PPARGC1A: variants seen among roughly 807,000 people sequenced by gnomAD.
PPARGC1A encodes the protein PPARG coactivator 1 alpha, also known as peroxisome proliferator-activated receptor gamma coactivator 1-alpha.
A neutral mutation model predicts 88.7 loss-of-function variants in PPARGC1A; 25 were observed. The observed-to-expected ratio is 0.28, with a 90% CI of 0.21 to 0.39. The LOEUF (loss-of-function observed/expected upper bound fraction) is 0.39, where lower values mean the gene tolerates loss of function less well. Ranked by LOEUF, PPARGC1A falls within the 10% of genes least tolerant of loss-of-function variation. The pLI, the probability that PPARGC1A is intolerant of heterozygous loss-of-function variation, is 1.00. For missense variants in PPARGC1A, 880 were observed against 968.7 expected (o/e 0.91, Z 1.22); for synonymous variants, 363 against 355.6 (o/e 1.02, Z -0.24).
chr4:23,824,865 C>G (rs985664726), intron 5 of PPARGC1A, among the ~76,000 whole-genome samples: 2 of 152,054 alleles, frequency 1.3e-5, no homozygotes, highest in Non-Finnish European at 2.9e-5. Flanking sequence ...AGCAGAGCAA[C>G]TATAAGGCGA....
the PPARGC1A span, among the ~76,000 whole-genome samples, chr4:24,291,832 T>C: frequency 6.6e-6 from 1 of 151,702 alleles, no homozygotes; most frequent in Non-Finnish European, 1.5e-5. Flanking sequence ...ACAAAACCAG[T>C]GAAGAGTGGA....
At chr4:24,161,911 G>A in the PPARGC1A span, among the ~76,000 whole-genome samples, 1 of 143,202 alleles carries the variant, frequency 7.0e-6, no homozygotes, top group East Asian at 2.1e-4. Context: ...GCAAAAATAC[G>A]GAACCAGCCC....
chr4:24,205,193 T>C, the PPARGC1A span, among the ~76,000 whole-genome samples: 1 of 152,166 alleles, frequency 6.6e-6, no homozygotes, highest in Non-Finnish European at 1.5e-5. Context: ...GTGTTCTTCT[T>C]ACATTTTGAT....
chr4:23,905,778 G>A (rs1025557785), upstream of PPARGC1A, among the ~76,000 whole-genome samples: 3 of 152,214 alleles, frequency 2.0e-5, no homozygotes, highest in Admixed American at 2.0e-4. Context: ...ACAAAAGCTT[G>A]TAAGTGGGAG....
the PPARGC1A span, among the ~76,000 whole-genome samples, chr4:24,465,289 A>C: frequency 6.6e-6 from 1 of 152,244 alleles, no homozygotes; most frequent in Admixed American, 6.5e-5. Flanking sequence ...TGTGAAAATA[A>C]TGTAATACCA....
chr4:24,290,714 A>T, the PPARGC1A span, among the ~76,000 whole-genome samples: 2 of 152,104 alleles, frequency 1.3e-5, no homozygotes, highest in East Asian at 3.9e-4. Flanking sequence ...CATAGTAGGC[A>T]CTCGATAACC....
intron 12 of PPARGC1A, among the ~76,000 whole-genome samples, chr4:23,796,501 C>G (rs1278264136): frequency 6.6e-6 from 1 of 152,052 alleles, no homozygotes; most frequent in Non-Finnish European, 1.5e-5. Context: ...GCTTCACATC[C>G]CAGGAGAGTA....
chr4:24,278,398 A>T, the PPARGC1A span, among the ~76,000 whole-genome samples: 1 of 152,166 alleles, frequency 6.6e-6, no homozygotes, highest in Non-Finnish European at 1.5e-5. Flanking sequence ...GATGGCTAAT[A>T]AGATGTATTT....
At chr4:23,963,443 C>A in the PPARGC1A span, among the ~76,000 whole-genome samples, 2 of 152,282 alleles carry the variant, frequency 1.3e-5, no homozygotes, top group Admixed American at 6.5e-5. Flanking sequence ...TTTGGTTGAT[C>A]TAATTTACAT....
At chr4:23,835,897 TAAAC>T (rs1725928870) in intron 2 of PPARGC1A, among the ~76,000 whole-genome samples, 1 of 152,136 alleles carries the variant, frequency 6.6e-6, no homozygotes, top group South Asian at 2.1e-4. Flanking sequence ...AGGACTCTGT[TAAAC>T]AATTAATGTC....
At chr4:24,309,016 A>G in the PPARGC1A span, among the ~76,000 whole-genome samples, 2 of 152,194 alleles carry the variant, frequency 1.3e-5, no homozygotes, top group Non-Finnish European at 2.9e-5. Context: ...TACATTAAAG[A>G]AGGAAATAAT....
chr4:24,396,481 CA>C, the PPARGC1A span, among the ~76,000 whole-genome samples: 2 of 152,056 alleles, frequency 1.3e-5, no homozygotes, highest in Admixed American at 1.3e-4. Flanking sequence ...CCTCCCTGGG[CA>C]GATCAAATGC....
chr4:24,311,980 G>C, the PPARGC1A span, among the ~76,000 whole-genome samples: 2 of 152,106 alleles, frequency 1.3e-5, no homozygotes, highest in Non-Finnish European at 2.9e-5. Context: ...TGTTTCCAAG[G>C]ACCTTCCACA....
the PPARGC1A span, among the ~76,000 whole-genome samples, chr4:24,238,486 T>C: frequency 6.6e-6 from 1 of 152,142 alleles, no homozygotes; most frequent in East Asian, 1.9e-4. Context: ...CAGCCTCCTC[T>C]GTGTCAGATA....
At chr4:23,857,211 A>G in intron 2 of PPARGC1A, among the ~76,000 whole-genome samples, 1 of 151,754 alleles carries the variant, frequency 6.6e-6, no homozygotes, top group Non-Finnish European at 1.5e-5. Flanking sequence ...CTGATGTTCT[A>G]TAGGTGTTTC....
chr4:24,447,722 T>C, the PPARGC1A span, among the ~76,000 whole-genome samples: 1 of 152,072 alleles, frequency 6.6e-6, no homozygotes, highest in Non-Finnish European at 1.5e-5. Context: ...TCCCCAGTTG[T>C]CTCACTTCCC....
At chr4:24,198,098 C>A in the PPARGC1A span, among the ~76,000 whole-genome samples, 1 of 152,194 alleles carries the variant, frequency 6.6e-6, no homozygotes, top group African/African-American at 2.4e-5. Flanking sequence ...AGCAAAGCAA[C>A]TTTTGAAAGC....
chr4:24,253,965 C>A, the PPARGC1A span, among the ~76,000 whole-genome samples: 2 of 152,130 alleles, frequency 1.3e-5, no homozygotes, highest in African/African-American at 4.8e-5. Context: ...TGGACCAGTT[C>A]CTGCTCAAAT....
the PPARGC1A span, among the ~76,000 whole-genome samples, chr4:24,152,114 G>A: frequency 2.1e-4 from 32 of 152,310 alleles, no homozygotes; most frequent in Non-Finnish European, 4.6e-4. Flanking sequence ...TTCTGCACAA[G>A]CACATGCCCA....
Sources: allele counts gnomAD v4.1 joint callset (sites outside exome capture counted in the v4.1 genomes callset), GRCh38; gene constraint gnomAD v4.1.1; transcripts MANE v1.5; gene names NCBI Gene and HGNC (gene_info 2026-07-23, HGNC 2026-07-21).